Variants in CLVS1 observed in about 807,000 individuals in gnomAD.
The protein encoded by CLVS1 is clavesin-1.
A neutral mutation model predicts 33.1 loss-of-function variants in CLVS1; 10 were observed. The ratio of observed to expected loss-of-function variants is 0.30; its 90% CI spans 0.19 to 0.51. The LOEUF (loss-of-function observed/expected upper bound fraction) is 0.51, where lower values mean the gene tolerates loss of function less well. Ranked by LOEUF, CLVS1 falls within the 20% of genes least tolerant of loss-of-function variation. The probability of loss-of-function intolerance (pLI) is 0.97; values close to 1 mark genes in which losing one functional copy is unlikely to be tolerated. For missense variants in CLVS1, 343 were observed against 433.4 expected, an observed-to-expected ratio of 0.79 and a Z score of 1.85; for synonymous variants, 163 against 166.1, an observed-to-expected ratio of 0.98 and a Z score of 0.14.
intron 2 of CLVS1, among the ~76,000 whole-genome samples, chr8:61,350,841 C>T (rs574103123): frequency 2.6e-4 from 40 of 152,230 alleles, no homozygotes; most frequent in African/African-American, 9.1e-4. Context: ...ATGGCTTCTG[C>T]ACCTCTCTCT....
At chr8:61,150,303 G>A (rs1806503617) in intron 2 of CLVS1, among the ~76,000 whole-genome samples, 1 of 152,162 alleles carries the variant, frequency 6.6e-6, no homozygotes, top group Non-Finnish European at 1.5e-5. Flanking sequence ...CTTGCCAAAG[G>A]AAAGCTACAC....
intron 2 of CLVS1, among the ~76,000 whole-genome samples, chr8:61,180,640 C>A (rs559362927): frequency 6.6e-6 from 1 of 152,282 alleles, no homozygotes; most frequent in South Asian, 2.1e-4. Context: ...GCTTATTCAC[C>A]ATGATCAAGA....
At chr8:61,268,911 A>G (rs1482198939) in intron 2 of CLVS1, among the ~76,000 whole-genome samples, 1 of 74,342 alleles carries the variant, frequency 1.3e-5, no homozygotes, top group Non-Finnish European at 2.5e-5. Context: ...TAGATTCTGG[A>G]TATTAGCCCT....
chr8:61,077,663 A>G (rs955925875), intron 1 of CLVS1, among the ~76,000 whole-genome samples: 7 of 152,120 alleles, frequency 4.6e-5, no homozygotes, highest in African/African-American at 1.7e-4. Flanking sequence ...TTTATTAGAG[A>G]CGAGGTTTCA....
the CLVS1 span, among the ~76,000 whole-genome samples, chr8:60,974,348 T>C: frequency 2.6e-5 from 4 of 152,268 alleles, no homozygotes; most frequent in East Asian, 5.8e-4. Flanking sequence ...CCCATCCTCT[T>C]CCATTTCAAG....
intron 3 of CLVS1, among the ~76,000 whole-genome samples, chr8:61,415,557 A>C (rs1223500096): frequency 2.0e-5 from 3 of 152,178 alleles, no homozygotes; most frequent in Admixed American, 1.3e-4. Context: ...TGTTCCATAG[A>C]TTCTCCCCTC....
intron 3 of CLVS1, among the ~76,000 whole-genome samples, chr8:61,395,706 C>T (rs1744869526): frequency 6.6e-6 from 1 of 152,064 alleles, no homozygotes; most frequent in African/African-American, 2.4e-5. Flanking sequence ...TTATCAGATT[C>T]CCATGTGATG....
chr8:61,048,737 A>G, the CLVS1 span, among the ~76,000 whole-genome samples: 1 of 151,986 alleles, frequency 6.6e-6, no homozygotes, highest in Non-Finnish European at 1.5e-5. Flanking sequence ...GAGCTCCCCC[A>G]ACCTCCCACC....
chr8:61,387,611 T>G (rs539747741), intron 3 of CLVS1, among the ~76,000 whole-genome samples: 9 of 152,104 alleles, frequency 5.9e-5, no homozygotes, highest in African/African-American at 1.9e-4. Flanking sequence ...CAATGGGTAG[T>G]CTTTTATCAC....
chr8:61,213,764 C>T (rs1367550532), intron 2 of CLVS1, among the ~76,000 whole-genome samples: 4 of 152,074 alleles, frequency 2.6e-5, no homozygotes, highest in Admixed American at 6.5e-5. Context: ...AATATTAAAT[C>T]TGGGCACTTT....
At chr8:61,004,976 CCTT>C in the CLVS1 span, among the ~76,000 whole-genome samples, 1 of 152,026 alleles carries the variant, frequency 6.6e-6, no homozygotes, top group African/African-American at 2.4e-5. Flanking sequence ...ACAAAACCCT[CCTT>C]CTTACCGATA....
chr8:61,389,869 T>C (rs1814233832), intron 3 of CLVS1, among the ~76,000 whole-genome samples: 2 of 152,242 alleles, frequency 1.3e-5, no homozygotes, highest in Non-Finnish European at 2.9e-5. Flanking sequence ...CATTTGTATA[T>C]CTTGGAAGCT....
intron 2 of CLVS1, among the ~76,000 whole-genome samples, chr8:61,338,599 T>C (rs533944720): frequency 3.9e-5 from 6 of 152,308 alleles, no homozygotes; most frequent in Admixed American, 1.3e-4. Context: ...GCAGCACACA[T>C]TTTTGGGTTC....
intron 2 of CLVS1, among the ~76,000 whole-genome samples, chr8:61,359,961 G>A (rs1812904201): frequency 6.6e-6 from 1 of 152,108 alleles, no homozygotes; most frequent in Non-Finnish European, 1.5e-5. Flanking sequence ...GGATTACCTA[G>A]CACCTGCTAT....
At chr8:61,184,220 G>A (rs990723258) in intron 2 of CLVS1, among the ~76,000 whole-genome samples, 12 of 152,194 alleles carry the variant, frequency 7.9e-5, no homozygotes, top group Admixed American at 2.0e-4. Context: ...CCTCTTCCTC[G>A]CATGGAGAGC....
intron 2 of CLVS1, among the ~76,000 whole-genome samples, chr8:61,185,213 G>A (rs1214533055): frequency 6.6e-6 from 1 of 150,960 alleles, no homozygotes; most frequent in South Asian, 2.1e-4. Flanking sequence ...GCAGCGTTAC[G>A]CTGTCTGAAG....
chr8:61,085,247 AAT>A, intron 1 of CLVS1, among the ~76,000 whole-genome samples: 1 of 152,200 alleles, frequency 6.6e-6, no homozygotes, highest in African/African-American at 2.4e-5. Context: ...CCTTGTAATA[AAT>A]ATGTGTGACT....
intron 2 of CLVS1, chr8:61,202,845 T>A (rs1441290498): frequency 5.0e-6 from 5 of 998,322 alleles, no homozygotes; most frequent in Middle Eastern, 6.0e-4. Context: ...AAGATGATGA[T>A]GATGATGAAG....
chr8:61,324,310 T>C (rs1010778688), intron 2 of CLVS1, among the ~76,000 whole-genome samples: 3 of 151,522 alleles, frequency 2.0e-5, no homozygotes, highest in South Asian at 2.1e-4. Context: ...TCTCATGAGA[T>C]TGGATGGTTT....
Sources: gnomAD v4.1 joint callset for allele counts (sites outside exome capture counted in the v4.1 genomes callset) on GRCh38, gnomAD v4.1.1 for gene constraint, MANE v1.5 for transcripts, NCBI Gene and HGNC (gene_info 2026-07-23, HGNC 2026-07-21) for gene names.